TARDBP: variants seen among roughly 807,000 people sequenced by gnomAD.
TARDBP encodes TAR DNA binding protein.
Under a neutral mutation model 38.3 loss-of-function variants are expected in TARDBP, and 4 were observed. The observed-to-expected ratio is 0.10, with a 90% CI of 0.05 to 0.24. The LOEUF is 0.24. Ranked by LOEUF, TARDBP falls within the 10% of genes least tolerant of loss-of-function variation. TARDBP has a pLI of 1.00. For missense variants in TARDBP, 202 were observed against 521.9 expected (o/e 0.39, Z 5.97); for synonymous variants, 184 against 183.8 (o/e 1.00, Z -0.01).
chr1:11,022,629 C>G lies in TARDBP; in HGVS notation c.1220C>G (p.Ser407Cys), dbSNP rs1433662988. The change falls in exon 6 of 6, where the codon TCT becomes TGT. Residue 407 changes from serine to cysteine, a missense_variant. Physicochemically the swap from Ser to Cys is moderately radical, Grantham distance 112. Around this residue, in one of 5 missense-constraint regions of TARDBP, gnomAD observed 107 missense variants for 190.5 expected, o/e 0.56. Coordinates refer to ENST00000240185, the MANE Select transcript of TARDBP (RefSeq NM_007375.4). This position sits in a 1 kb window ranked among gnomAD's most constrained non-coding sequence, Gnocchi z 4.5. Reference sequence around the variant, plus strand: ...GGAGGCTTTGGCTCAAGCATGGATTCTAAGTCTTCTGGCTGGGGAATGTAG... The same window carrying G: ...GGAGGCTTTGGCTCAAGCATGGATTGTAAGTCTTCTGGCTGGGGAATGTAG... Reference protein sequence around the residue: ...FNGGFGSSMDSKSSGWGM With the variant: ...FNGGFGSSMDCKSSGWGM The G allele has an allele frequency of 6.2e-7, 1 of 1,607,148 alleles. No individual in the cohort carries two copies. The highest frequency in any genetic ancestry group is 8.5e-7 in the Non-Finnish European group (1 of 1,176,572).
chr1:11,021,994 A>G (rs1284344395), intron 5 of TARDBP, 130 bp from the exon 6 acceptor site: 6 of 1,003,598 alleles, frequency 6.0e-6, no homozygotes, highest in Non-Finnish European at 7.4e-6. Flanking sequence ...TTTAAATGAA[A>G]TGAGTGTTCA....
chr1:11,014,221 G>A (rs1425184286), intron 2 of TARDBP, among the ~76,000 whole-genome samples: 1 of 152,184 alleles, frequency 6.6e-6, no homozygotes, highest in African/African-American at 2.4e-5. Flanking sequence ...TAAATTTCAG[G>A]AATCACTAAG....
chr1:11,018,958 GAT>G, intron 4 of TARDBP, 85 bp downstream of exon 4: 1 of 1,587,744 alleles, frequency 6.3e-7, no homozygotes, highest in Non-Finnish European at 8.6e-7. Context: ...ACTTAGAAAA[GAT>G]AGCGGCAGGG....
chr1:11,024,585 G>A lies in TARDBP; in HGVS notation c.*1931G>A, dbSNP rs1643695147. On this transcript the variant is annotated 3_prime_UTR_variant, in exon 6 of 6. Transcript: ENST00000240185. Reference sequence around the variant, plus strand: ...TAATTGCAGTAGGGATAAAGTAGAAGAAACCACAAATTATCTTGTGCCTGA... The same window carrying A: ...TAATTGCAGTAGGGATAAAGTAGAAAAAACCACAAATTATCTTGTGCCTGA... The A allele has an allele frequency of 6.6e-6, 1 of 152,638 alleles. No homozygotes were observed. Among genetic ancestry groups the A allele is most frequent in the Non-Finnish European group, 1.5e-5 (1 of 68,040 alleles). 9.5% of individuals were successfully genotyped at this position (152,638 alleles called of 1,614,324 possible). A position where few individuals can be genotyped will look rare whatever the true frequency, so the allele number is the denominator to read the frequency against.
chr1:11,023,430 T>C lies in TARDBP; in HGVS notation c.*776T>C. ...TGGAACCAGAAGGCTGTCTGAACTT[T>C]TGAAACCTTGTGTGGGATTGATGGT... is the stretch of plus-strand genomic sequence containing the variant. On this transcript the variant is annotated 3_prime_UTR_variant, in exon 6 of 6. Transcript: ENST00000240185. The C allele has an allele frequency of 1.5e-6, 1 of 678,124 alleles. No homozygotes were observed. The highest frequency in any genetic ancestry group is 2.5e-6 in the Non-Finnish European group (1 of 404,328). 42.0% of individuals were successfully genotyped at this position (678,124 alleles called of 1,614,324 possible). A position where few individuals can be genotyped will look rare whatever the true frequency, so the allele number is the denominator to read the frequency against.
At chr1:11,030,239 A>G, downstream of TARDBP, 2 of 1,613,132 alleles carry the variant, frequency 1.2e-6, no homozygotes, top group Non-Finnish European at 1.7e-6. Context: ...TCAGCCTCAC[A>G]CACATATTTA....
intron 2 of TARDBP, among the ~76,000 whole-genome samples, chr1:11,014,607 A>G (rs1643478473): frequency 6.6e-6 from 1 of 152,134 alleles, no homozygotes; most frequent in African/African-American, 2.4e-5. Flanking sequence ...AAGTCCATCA[A>G]ATTTGGTCAG....
In TARDBP at chr1:11,022,091, A is replaced by T. The variant is rs1168483069; in HGVS notation, c.715-33A>T. The T allele has an allele frequency of 6.2e-7, 1 of 1,613,212 alleles. No individual in the cohort carries two copies. The highest frequency in any genetic ancestry group is 8.5e-7 in the Non-Finnish European group (1 of 1,179,258). Reference sequence around the variant, plus strand: ...TTTAAATATATGAATCAGTGGTTTAATCTTCTTTGTTTACATCCCTTATTT... The same window carrying T: ...TTTAAATATATGAATCAGTGGTTTATTCTTCTTTGTTTACATCCCTTATTT... On this transcript the variant is annotated intron_variant, in intron 5 of 5. Transcript: ENST00000240185. This position sits in a 1 kb window ranked among gnomAD's most constrained non-coding sequence, Gnocchi z 4.5.
chr1:11,028,697 GTTTTTTTTCTTTTTT>G (rs1237555284), downstream of TARDBP, among the ~76,000 whole-genome samples: 7 of 36,164 alleles, frequency 1.9e-4, no homozygotes, highest in South Asian at 4.7e-3. Flanking sequence ...ATCTTTCTGG[GTTTTTTTTCTTTTTT>G]TTTTTTTTTT....
downstream of TARDBP, among the ~76,000 whole-genome samples, chr1:11,028,212 C>T (rs1442631280): frequency 6.6e-6 from 1 of 150,724 alleles, no homozygotes; most frequent in Non-Finnish European, 1.5e-5. Flanking sequence ...AGCAAAACTC[C>T]ATCTCAAAAA....
At chr1:11,027,476 A>C (rs750359413), downstream of TARDBP, 31 of 1,614,030 alleles carry the variant, frequency 1.9e-5, no homozygotes, top group Non-Finnish European at 4.2e-6. Context: ...CGGATGCATC[A>C]TGTTTTTGCT....
At chr1:11,028,699 T>A (rs1397666527), downstream of TARDBP, among the ~76,000 whole-genome samples, 2 of 29,358 alleles carry the variant, frequency 6.8e-5, no homozygotes, top group Non-Finnish European at 1.1e-4. Context: ...CTTTCTGGGT[T>A]TTTTTTCTTT....
Position 11,020,390 on chromosome 1 carries a change from C to T in TARDBP, c.544-39C>T, listed in dbSNP as rs1557658874. On this transcript the variant is annotated intron_variant, in intron 4 of 5. Coordinates refer to ENST00000240185, the MANE Select transcript of TARDBP (RefSeq NM_007375.4). ...TTAATGTTTTTTTCATTGTTCATAA[C>T]ATATTTCTGAGTTTTTTTCTTCCTT... The T allele has an allele frequency of 3.7e-6, 6 of 1,611,860 alleles. No homozygotes were observed. In the African/African-American group the frequency reaches 4.0e-5, roughly 11 times the overall value.
At chr1:11,030,383 C>G, downstream of TARDBP, 1 of 640,506 alleles carries the variant, frequency 1.6e-6, no homozygotes, top group Non-Finnish European at 2.7e-6. Context: ...AACCATTTTA[C>G]ATGATTTCAT....
downstream of TARDBP, chr1:11,030,202 TC>T (rs1643819970): frequency 6.2e-7 from 1 of 1,613,474 alleles, no homozygotes; most frequent in East Asian, 2.2e-5. Context: ...GAGTGATTTT[TC>T]TCCTTTGGAG....
chr1:11,025,147 A>G lies in TARDBP; in HGVS notation c.*2493A>G, dbSNP rs1186773340. The G allele has an allele frequency of 6.6e-6, 1 of 152,588 alleles. No homozygotes were observed. The highest frequency in any genetic ancestry group is 1.5e-5 in the Non-Finnish European group (1 of 68,042). 9.5% of individuals were successfully genotyped at this position (152,588 alleles called of 1,614,324 possible). On this transcript the variant is annotated 3_prime_UTR_variant, in exon 6 of 6. Transcript: ENST00000240185. ...TACTCAGCAGCAGTAACATGGTAAC[A>G]CTTAAAATGGTACTCGGGGACCTCC...
downstream of TARDBP, chr1:11,030,308 T>C (rs954465082): frequency 5.0e-6 from 6 of 1,200,570 alleles, no homozygotes; most frequent in African/African-American, 9.1e-5. Context: ...GGTTGTCATT[T>C]GCTTGAATAC....
intron 3 of TARDBP, 141 bp from the exon 4 acceptor site, chr1:11,018,592 C>G: frequency 9.1e-7 from 1 of 1,093,390 alleles, no homozygotes; most frequent in Non-Finnish European, 1.4e-6. Context: ...CTTGTTTTTA[C>G]TGTTAAGACT....
At position 11,014,184 on chromosome 1, in the gene TARDBP, T is replaced by C. The variant is rs554331891; in HGVS notation, c.238+219T>C. On this transcript the variant is annotated intron_variant, in intron 2 of 5. Coordinates refer to ENST00000240185, the MANE Select transcript of TARDBP (RefSeq NM_007375.4). ...GAGAAAACAATGTATTTAAAAAATATCTGAATAAACTTTGCCAAGTTGATG... is the reference window on the plus strand; with the variant it reads ...GAGAAAACAATGTATTTAAAAAATACCTGAATAAACTTTGCCAAGTTGATG... Among the ~76,000 whole-genome samples the C allele has an allele frequency of 3.3e-5, 5 of 152,334 alleles. No homozygotes were observed. The South Asian group carries it at 6.2e-4, about 19-fold the overall frequency.
Sources: gnomAD v4.1 joint callset for allele counts (sites outside exome capture counted in the v4.1 genomes callset) on GRCh38, gnomAD v4.1.1 for gene constraint, gnomAD v4.1.1 regional missense constraint, Gnocchi (gnomAD v3.1) non-coding constraint, MANE v1.5 for transcripts, NCBI Gene and HGNC (gene_info 2026-07-23, HGNC 2026-07-21) for gene names.